Variants in PTPRD observed in about 807,000 individuals in gnomAD.
The protein encoded by PTPRD is receptor-type tyrosine-protein phosphatase delta.
PTPRD carries 34 observed loss-of-function variants against 214.5 expected under a neutral mutation model. The observed-to-expected ratio is 0.16, with a 90% CI of 0.12 to 0.21. The LOEUF is 0.21. PTPRD is among the 10% of genes least tolerant of loss of function. The pLI is 1.00. For missense variants in PTPRD, 2,545 were observed against 2,398.7 expected (o/e 1.06, Z -1.27); for synonymous variants, 1,128 against 845.7 (o/e 1.33, Z -5.79).
intron 3 of PTPRD, among the ~76,000 whole-genome samples, chr9:10,181,420 T>C (rs1234792819): frequency 6.6e-6 from 1 of 152,158 alleles, no homozygotes; most frequent in East Asian, 1.9e-4. Context: ...GACTTGACAT[T>C]GTGGATATCT....
chr9:8,689,584 T>C (rs1356880444), intron 12 of PTPRD, among the ~76,000 whole-genome samples: 4 of 152,190 alleles, frequency 2.6e-5, no homozygotes, highest in Non-Finnish European at 4.4e-5. Flanking sequence ...ACGTATTCAC[T>C]ACCATGAGAA....
At chr9:8,589,482 A>G (rs1015601484) in intron 14 of PTPRD, among the ~76,000 whole-genome samples, 4 of 152,206 alleles carry the variant, frequency 2.6e-5, no homozygotes, top group Non-Finnish European at 5.9e-5. Flanking sequence ...GAAAACATGG[A>G]AGAAAAAATA....
At chr9:8,698,594 G>C (rs2097988302) in intron 12 of PTPRD, among the ~76,000 whole-genome samples, 1 of 152,076 alleles carries the variant, frequency 6.6e-6, no homozygotes, top group Admixed American at 6.6e-5. Context: ...AACAACAAAG[G>C]ATACGTTTTA....
rs867129699 is a variant in PTPRD at position 8,401,693 on chromosome 9, G to C, written c.4210+2844C>G. Among the ~76,000 whole-genome samples, 7 of 152,182 alleles carry C rather than the reference G, an allele frequency of 4.6e-5. No individual in the cohort carries two copies. The South Asian group carries it at 1.5e-3, about 32-fold the overall frequency. On this transcript the variant is annotated intron_variant, in intron 36 of 45. Coordinates refer to ENST00000381196, the MANE Select transcript of PTPRD (RefSeq NM_002839.4). ...CCCTGTTATTCTCTCAGTGGAAGTA[G>C]GATATACACTTGCTCTACTAAACAA...
intron 3 of PTPRD, among the ~76,000 whole-genome samples, chr9:10,297,072 G>C (rs1007328231): frequency 6.7e-6 from 1 of 148,516 alleles, no homozygotes; most frequent in Non-Finnish European, 1.5e-5. Flanking sequence ...GGAACATAGA[G>C]CACAAATGGA....
intron 3 of PTPRD, among the ~76,000 whole-genome samples, chr9:10,173,436 A>T (rs897154025): frequency 6.6e-6 from 1 of 152,164 alleles, no homozygotes; most frequent in Non-Finnish European, 1.5e-5. Context: ...GTAGGGTCAG[A>T]ATTCCCCCAT....
chr9:10,103,398 T>TATATATATA (rs1416027194), intron 3 of PTPRD, among the ~76,000 whole-genome samples: 8 of 143,114 alleles, frequency 5.6e-5, no homozygotes, highest in Non-Finnish European at 9.2e-5. Flanking sequence ...TATATATTTA[T>TATATATATA]TTAAGAGCAT....
At chr9:10,206,952 T>C (rs2099485796) in intron 3 of PTPRD, among the ~76,000 whole-genome samples, 1 of 152,172 alleles carries the variant, frequency 6.6e-6, no homozygotes, top group South Asian at 2.1e-4. Flanking sequence ...ATTGTTCAGT[T>C]ATGAACAACA....
At chr9:10,181,673 C>T (rs10511535) in intron 3 of PTPRD, among the ~76,000 whole-genome samples, 6,335 of 151,580 alleles carry the variant, frequency 0.042, 142 homozygotes, top group Middle Eastern at 0.054. Flanking sequence ...TCTGCAGTTA[C>T]TATCAAATGG....
At chr9:9,820,190 C>T (rs2050218726) in intron 5 of PTPRD, among the ~76,000 whole-genome samples, 1 of 152,082 alleles carries the variant, frequency 6.6e-6, no homozygotes, top group African/African-American at 2.4e-5. Flanking sequence ...CTGATTGGTG[C>T]ATACGGTATC....
At chr9:9,232,722 A>G (rs1215259217) in intron 9 of PTPRD, among the ~76,000 whole-genome samples, 1 of 152,124 alleles carries the variant, frequency 6.6e-6, no homozygotes, top group Non-Finnish European at 1.5e-5. Flanking sequence ...GGCTCATGAA[A>G]CAATACTCCA....
chr9:9,056,915 A>G (rs546813804), intron 10 of PTPRD, among the ~76,000 whole-genome samples: 4 of 152,336 alleles, frequency 2.6e-5, no homozygotes, highest in African/African-American at 9.6e-5. Flanking sequence ...GACTGCAATA[A>G]TATTTTTCAG....
chr9:9,068,606 T>G (rs78634865), intron 10 of PTPRD, among the ~76,000 whole-genome samples: 3,142 of 152,044 alleles, frequency 0.021, 119 homozygotes, highest in African/African-American at 0.071. Flanking sequence ...AACTGATGTT[T>G]TACAAAAAAT....
At chr9:10,019,424 T>C (rs564622589) in intron 4 of PTPRD, among the ~76,000 whole-genome samples, 1 of 152,258 alleles carries the variant, frequency 6.6e-6, no homozygotes, top group East Asian at 1.9e-4. Flanking sequence ...ATCCCATTAC[T>C]GGGTATATAC....
rs1039551473 is a variant in PTPRD, at chr9:10,063,179, AAAG to A, written c.-544-29392_-544-29390del. Among the ~76,000 whole-genome samples the A allele has an allele frequency of 3.3e-5, 5 of 150,776 alleles. No individual in the cohort carries two copies. In the South Asian group the frequency reaches 8.3e-4, roughly 25 times the overall value. On this transcript the variant is annotated intron_variant, in intron 3 of 45. Transcript: ENST00000381196. ...TCTATGTAACAAGGTCAAGTTCTGCAAAGAAGAATTGTGTAAATTCAGCAAAAT... is the reference window on the plus strand; with the variant it reads ...TCTATGTAACAAGGTCAAGTTCTGCAAAGAATTGTGTAAATTCAGCAAAAT...
rs143404083 is a variant in PTPRD at position 8,500,791 on chromosome 9, A to G, written c.2091T>C (p.Pro697=). The G allele has an allele frequency of 6.2e-7, 1 of 1,614,056 alleles. No homozygotes were observed. The change falls in exon 24 of 46, where the codon CCT becomes CCC. Residue 697 remains proline, a synonymous_variant. Coordinates refer to ENST00000381196, the MANE Select transcript of PTPRD (RefSeq NM_002839.4). ...TTCGAATCAACACGGACAAGCTCTC[A>G]GGGCCAGGGCCGACATCTGTATGGG... ...VTAHTDVGPG[P]ESLSVLIRTN... is the part of the protein sequence containing the mutation.
At chr9:9,471,939 C>T (rs1589285181) in intron 8 of PTPRD, among the ~76,000 whole-genome samples, 1 of 152,058 alleles carries the variant, frequency 6.6e-6, no homozygotes, top group East Asian at 1.9e-4. Context: ...GTTTACTCCT[C>T]AAATCCTGTT....
intron 7 of PTPRD, among the ~76,000 whole-genome samples, chr9:9,669,247 G>T (rs2096780056): frequency 6.6e-6 from 1 of 152,116 alleles, no homozygotes; most frequent in Non-Finnish European, 1.5e-5. Flanking sequence ...GGAACAAAGG[G>T]TAATTTTAAC....
intron 9 of PTPRD, among the ~76,000 whole-genome samples, chr9:9,394,737 T>A (rs1408616797): frequency 6.6e-6 from 1 of 152,084 alleles, no homozygotes; most frequent in East Asian, 1.9e-4. Context: ...AGAACGGGAA[T>A]ATGTAGCATA....
Sources: gnomAD v4.1 joint callset for allele counts (sites outside exome capture counted in the v4.1 genomes callset) on GRCh38, gnomAD v4.1.1 for gene constraint, MANE v1.5 for transcripts, NCBI Gene and HGNC (gene_info 2026-07-23, HGNC 2026-07-21) for gene names.